Variants in NEBL observed in about 807,000 individuals in gnomAD.
NEBL encodes the protein LIM and SH3 protein 2.
A neutral mutation model predicts 140.2 loss-of-function variants in NEBL; 122 were observed. The ratio of observed to expected loss-of-function variants is 0.87; its 90% CI spans 0.75 to 1.01. The LOEUF is 1.01. Among genes scored for constraint, NEBL ranks in the 50% least tolerant of loss-of-function variants. The pLI, the probability that NEBL is intolerant of heterozygous loss-of-function variation, is 0.00. For synonymous variants in NEBL, 436 were observed against 398.9 expected (o/e 1.09, Z -1.11); for missense variants, 1,365 against 1,231.3 (o/e 1.11, Z -1.62).
chr10:20,988,354 C>T, intron 3 of NEBL, among the ~76,000 whole-genome samples: 1 of 152,282 alleles, frequency 6.6e-6, no homozygotes, highest in East Asian at 1.9e-4. Flanking sequence ...TGCCTTCACT[C>T]ATTTTCAATT....
chr10:20,780,377 T>G lies in NEBL; in HGVS notation c.*5370A>C, dbSNP rs776001038. Reference sequence around the variant, plus strand: ...TAACTACAATGATGCATTGTTGCGGTACTTTGATATAAAATCAGAAAGATA... The same window carrying G: ...TAACTACAATGATGCATTGTTGCGGGACTTTGATATAAAATCAGAAAGATA... On this transcript the variant is annotated 3_prime_UTR_variant, in exon 28 of 28. Transcript: ENST00000377122. 2.6e-5 allele frequency: 4 copies of G among 152,374 alleles called. No homozygotes were observed. The highest frequency in any genetic ancestry group is 5.9e-5 in the Non-Finnish European group (4 of 68,040). 9.4% of individuals were successfully genotyped at this position (152,374 alleles called of 1,614,324 possible).
chr10:20,901,800 C>T (rs945135680), upstream of NEBL, among the ~76,000 whole-genome samples: 12 of 152,138 alleles, frequency 7.9e-5, no homozygotes, highest in African/African-American at 2.4e-4. Context: ...AGTTGAATCC[C>T]TAGTCATTCC....
At chr10:21,189,578 C>T (rs1841538200) in intron 3 of NEBL, among the ~76,000 whole-genome samples, 1 of 152,218 alleles carries the variant, frequency 6.6e-6, no homozygotes, top group Non-Finnish European at 1.5e-5. Context: ...CAGTCTCCTG[C>T]CTCAGCCTCC....
intron 2 of NEBL, among the ~76,000 whole-genome samples, chr10:21,051,715 T>A (rs1385707151): frequency 6.6e-6 from 1 of 152,196 alleles, no homozygotes; most frequent in Non-Finnish European, 1.5e-5. Context: ...AGACACAGAT[T>A]GGCAGGATAA....
chr10:21,191,751 C>T (rs1372534210), intron 3 of NEBL, among the ~76,000 whole-genome samples: 1 of 152,152 alleles, frequency 6.6e-6, no homozygotes, highest in African/African-American at 2.4e-5. Flanking sequence ...TGGTGAGTCA[C>T]TCTTATCAAA....
chr10:21,046,997 AT>A (rs1483227846), intron 2 of NEBL, among the ~76,000 whole-genome samples: 2 of 152,220 alleles, frequency 1.3e-5, no homozygotes, highest in Non-Finnish European at 2.9e-5. Context: ...TATATATATG[AT>A]TTTAGACCAT....
At position 20,882,738 on chromosome 10, in the gene NEBL, CA is replaced by C. The variant is rs201682188; in HGVS notation, c.370-1835del. The stretch of plus-strand genomic sequence containing the variant: ...ACTAAAGTCATTGAATCTTGTCATC[CA>C]AAAAAAAAAAAATGTCATCTGGTAT... On this transcript the variant is annotated intron_variant, in intron 4 of 27. Coordinates refer to ENST00000377122, the MANE Select transcript of NEBL (RefSeq NM_006393.3). Among the ~76,000 whole-genome samples the C allele has an allele frequency of 7.1e-3, 991 of 139,780 alleles. 13 individuals are homozygous for C. Among genetic ancestry groups the C allele is most frequent in the East Asian group, 0.059 (287 of 4,866 alleles). The allele number at this position is 139,780 out of a possible 152,430, so 91.7% of individuals were successfully genotyped here. A position where few individuals can be genotyped will look rare whatever the true frequency, so the allele number is the denominator to read the frequency against.
intron 2 of NEBL, among the ~76,000 whole-genome samples, chr10:21,141,168 G>T (rs1839615419): frequency 1.3e-5 from 2 of 151,860 alleles, no homozygotes; most frequent in South Asian, 4.2e-4. Context: ...ACAATAAACT[G>T]CATGATCTTG....
chr10:21,132,604 C>A (rs963433253), intron 2 of NEBL, among the ~76,000 whole-genome samples: 1 of 152,110 alleles, frequency 6.6e-6, no homozygotes, highest in Non-Finnish European at 1.5e-5. Context: ...CTCCCACCTG[C>A]GATGTGTGAG....
chr10:20,889,766 C>T, intron 3 of NEBL, 79 bp downstream of exon 3: 1 of 873,758 alleles, frequency 1.1e-6, no homozygotes, highest in East Asian at 2.5e-5. Flanking sequence ...TATTCTTCAT[C>T]TCTTTAATGC....
chr10:20,972,984 A>G (rs1836645450), intron 3 of NEBL, among the ~76,000 whole-genome samples: 1 of 152,158 alleles, frequency 6.6e-6, no homozygotes. Flanking sequence ...CACGTCTTCC[A>G]TAAGAAAGAA....
intron 12 of NEBL, among the ~76,000 whole-genome samples, chr10:20,841,839 T>C (rs528288785): frequency 2.0e-5 from 3 of 152,156 alleles, no homozygotes; most frequent in African/African-American, 7.2e-5. Context: ...GCTGTCTCCA[T>C]GCAATTTAAA....
chr10:21,035,540 C>T lies in NEBL; in HGVS notation c.165-15339G>A, dbSNP rs573409223. 2.0e-5 allele frequency among the ~76,000 whole-genome samples: 3 copies of T among 152,228 alleles called. No individual in the cohort carries two copies. The East Asian group carries it at 5.8e-4, about 29-fold the overall frequency. On this transcript the variant is annotated intron_variant, in intron 2 of 6. Coordinates refer to the NEBL transcript ENST00000417816. ...AGCTCTTCTTTAAATATACTTATTCCTGGCCATCGATTATATAATTAAACT... is the reference window on the plus strand; with the variant it reads ...AGCTCTTCTTTAAATATACTTATTCTTGGCCATCGATTATATAATTAAACT...
chr10:21,143,674 CTG>C (rs886616848), intron 2 of NEBL, among the ~76,000 whole-genome samples: 1 of 152,004 alleles, frequency 6.6e-6, no homozygotes, highest in African/African-American at 2.4e-5. Context: ...TCTGGAATAA[CTG>C]AGTGCCTTGG....
intron 2 of NEBL, among the ~76,000 whole-genome samples, chr10:21,048,947 T>C (rs1481064697): frequency 1.3e-5 from 2 of 151,824 alleles, no homozygotes; most frequent in Non-Finnish European, 2.9e-5. Context: ...GAGGTGGAGG[T>C]TGCAGTGAGC....
intron 4 of NEBL, among the ~76,000 whole-genome samples, chr10:20,915,869 T>A (rs892452790): frequency 6.6e-6 from 1 of 152,190 alleles, no homozygotes; most frequent in Non-Finnish European, 1.5e-5. Flanking sequence ...ATTTTTAAAC[T>A]TTTGAATTGG....
chr10:21,236,807 T>G (rs947172210), intron 3 of NEBL, among the ~76,000 whole-genome samples: 1 of 152,182 alleles, frequency 6.6e-6, no homozygotes, highest in Non-Finnish European at 1.5e-5. Context: ...CACTAACAAC[T>G]ACAACAATCA....
intron 12 of NEBL, among the ~76,000 whole-genome samples, chr10:20,843,376 G>A (rs1841572491): frequency 6.6e-6 from 1 of 151,984 alleles, no homozygotes; most frequent in Non-Finnish European, 1.5e-5. Context: ...ACAATACAGT[G>A]TTCTGAGCCC....
intron 5 of NEBL, among the ~76,000 whole-genome samples, chr10:20,870,815 G>T (rs1844852127): frequency 6.6e-6 from 1 of 152,182 alleles, no homozygotes; most frequent in South Asian, 2.1e-4. Flanking sequence ...GGTAAGTAGA[G>T]ATTTAAAGAG....
Sources: allele counts gnomAD v4.1 joint callset (sites outside exome capture counted in the v4.1 genomes callset), GRCh38; gene constraint gnomAD v4.1.1; transcripts MANE v1.5; gene names NCBI Gene and HGNC (gene_info 2026-07-23, HGNC 2026-07-21).